GPR149: variants seen among roughly 807,000 people sequenced by gnomAD.
GPR149 encodes G protein-coupled receptor 149, also known as probable G protein-coupled receptor 149.
GPR149 carries 50 observed loss-of-function variants against 50.2 expected under a neutral mutation model. That is an observed-to-expected ratio of 1.00 (90% CI 0.79 to 1.26). The LOEUF (loss-of-function observed/expected upper bound fraction) is 1.26. Ranked by LOEUF, GPR149 falls within the 50% of genes most tolerant of loss-of-function variation. The probability of loss-of-function intolerance (pLI) is 0.00; values close to 1 mark genes in which losing one functional copy is unlikely to be tolerated. For missense variants in GPR149, 983 were observed against 895.4 expected (o/e 1.10, Z -1.25); for synonymous variants, 405 against 358.2 (o/e 1.13, Z -1.48).
At chr3:154,422,832 T>C (rs1436713770) in intron 2 of GPR149, among the ~76,000 whole-genome samples, 1 of 151,844 alleles carries the variant, frequency 6.6e-6, no homozygotes, top group Non-Finnish European at 1.5e-5. Context: ...AATTAAGTTA[T>C]ACTGTTTAAC....
intron 3 of GPR149, among the ~76,000 whole-genome samples, chr3:154,377,701 A>G (rs958128785): frequency 6.6e-6 from 1 of 152,088 alleles, no homozygotes; most frequent in African/African-American, 2.4e-5. Context: ...ACTTCTTCGT[A>G]ATATAATTTG....
Position 154,335,504 on chromosome 3 carries a change from T to G in GPR149, c.*2195A>C, listed in dbSNP as rs572543454. ...TATGGTGCTGATTAGCCTTTCAAAC[T>G]AAGACTTTGGGCTAAATAATACTGG... On this transcript the variant is annotated 3_prime_UTR_variant, in exon 4 of 4. Coordinates refer to ENST00000389740, the MANE Select transcript of GPR149 (RefSeq NM_001038705.3). The G allele has an allele frequency of 6.6e-6, 1 of 152,292 alleles. No homozygotes were observed. Among genetic ancestry groups the G allele is most frequent in the South Asian group, 2.1e-4 (1 of 4,832 alleles). The allele number at this position is 152,292 out of a possible 1,614,324, so 9.4% of individuals were successfully genotyped here.
At position 154,421,063 on chromosome 3, in the gene GPR149, A is replaced by G; in HGVS notation, c.1599T>C (p.Ser533=). 7 of 1,608,390 alleles carry G rather than the reference A, an allele frequency of 4.4e-6. No homozygotes were observed. Among genetic ancestry groups the G allele is most frequent in the Non-Finnish European group, 5.1e-6 (6 of 1,177,934 alleles). Residue 533 remains serine, a synonymous_variant, in exon 3 of 4, where the codon AGT becomes AGC. Transcript: ENST00000389740. ...PDLSDWEWCR[S]KSERTPRQRS... Reference sequence around the variant, plus strand: ...CCTGACGAGGGGTTCTTTCTGATTTACTCCTACACCACTCCCAGTCTGAAA... The same window carrying G: ...CCTGACGAGGGGTTCTTTCTGATTTGCTCCTACACCACTCCCAGTCTGAAA...
At chr3:154,406,303 T>C (rs973299761) in intron 3 of GPR149, among the ~76,000 whole-genome samples, 5 of 152,190 alleles carry the variant, frequency 3.3e-5, no homozygotes, top group Non-Finnish European at 7.4e-5. Context: ...AAGATCCTCT[T>C]TCACACATTG....
chr3:154,425,531 A>T (rs1386476178), intron 2 of GPR149, among the ~76,000 whole-genome samples: 1 of 152,048 alleles, frequency 6.6e-6, no homozygotes, highest in Non-Finnish European at 1.5e-5. Flanking sequence ...TTATTATCAG[A>T]ATTTTCTGAT....
intron 2 of GPR149, among the ~76,000 whole-genome samples, chr3:154,425,505 T>C (rs765212150): frequency 6.6e-6 from 1 of 152,056 alleles, no homozygotes; most frequent in Non-Finnish European, 1.5e-5. Flanking sequence ...TCTCAGACAG[T>C]AGAAACACAT....
rs945336752 is a variant in GPR149, at chr3:154,428,818, T to C, written c.798A>G (p.Gly266=). The C allele has an allele frequency of 6.2e-7, 1 of 1,613,334 alleles. No individual in the cohort carries two copies. The highest frequency in any genetic ancestry group is 8.5e-7 in the Non-Finnish European group (1 of 1,179,864). Residue 266 remains glycine (G), a synonymous_variant, in exon 1 of 4, where the codon GGA becomes GGG. Coordinates refer to ENST00000389740, the MANE Select transcript of GPR149 (RefSeq NM_001038705.3). The part of the protein sequence containing the change: ...APGPSLRRSG[G]CSPSSDTVFG... The stretch of plus-strand genomic sequence containing the variant: ...ACACGGTGTCGGAGCTCGGAGAGCA[T>C]CCCCCAGAGCGCCGCAGACTCGGGC...
At chr3:154,363,946 T>G (rs1474701915) in intron 3 of GPR149, among the ~76,000 whole-genome samples, 2 of 152,202 alleles carry the variant, frequency 1.3e-5, no homozygotes, top group Non-Finnish European at 2.9e-5. Context: ...TTATTCCTCT[T>G]GGTTGTGGGA....
At chr3:154,379,037 A>G (rs113982922) in intron 3 of GPR149, among the ~76,000 whole-genome samples, 3,977 of 9,806 alleles carry the variant, frequency 0.41, 1,967 homozygotes, top group African/African-American at 0.91. Flanking sequence ...TCAGGAGATC[A>G]AGACCATCCT....
At chr3:154,360,982 G>A (rs1441026900) in intron 3 of GPR149, among the ~76,000 whole-genome samples, 1 of 152,104 alleles carries the variant, frequency 6.6e-6, no homozygotes, top group East Asian at 1.9e-4. Context: ...AGACTGCTCT[G>A]TTCTTTCTTC....
chr3:154,360,219 T>A (rs919718945), intron 3 of GPR149, among the ~76,000 whole-genome samples: 4 of 152,214 alleles, frequency 2.6e-5, no homozygotes, highest in African/African-American at 9.7e-5. Context: ...AAAACCCATC[T>A]TACAAACAGT....
intron 3 of GPR149, among the ~76,000 whole-genome samples, chr3:154,363,158 G>A (rs1190514162): frequency 1.3e-5 from 2 of 152,140 alleles, no homozygotes; most frequent in African/African-American, 4.8e-5. Context: ...GCCACATTAA[G>A]GAGTTTTAAC....
At chr3:154,395,178 T>G (rs1231135560) in intron 3 of GPR149, among the ~76,000 whole-genome samples, 1 of 151,936 alleles carries the variant, frequency 6.6e-6, no homozygotes, top group Non-Finnish European at 1.5e-5. Flanking sequence ...ATTGAGATAC[T>G]GACCAAAAAA....
rs1369992086 is a variant in GPR149 at position 154,429,665 on chromosome 3, C to A, written c.-50G>T. The A allele has an allele frequency of 2.0e-6, 3 of 1,513,566 alleles. 1 individual carries two copies. In the Middle Eastern group the frequency reaches 5.7e-4, roughly 285 times the overall value. 93.8% of individuals were successfully genotyped at this position (1,513,566 alleles called of 1,614,324 possible). A position where few individuals can be genotyped will look rare whatever the true frequency, so the allele number is the denominator to read the frequency against. On this transcript the variant is annotated 5_prime_UTR_variant, in exon 1 of 4. Coordinates refer to ENST00000389740, the MANE Select transcript of GPR149 (RefSeq NM_001038705.3). ...CCTTATCAATGAGTCTGATAATTTTCTCAAAAGAAAGACCGGCTGCTGCAA... is the reference window on the plus strand; with the variant it reads ...CCTTATCAATGAGTCTGATAATTTTATCAAAAGAAAGACCGGCTGCTGCAA...
At chr3:154,399,456 A>T (rs577546795) in intron 3 of GPR149, among the ~76,000 whole-genome samples, 1 of 152,318 alleles carries the variant, frequency 6.6e-6, no homozygotes, top group South Asian at 2.1e-4. Context: ...AATGTTCAAA[A>T]ATTGTCAGTC....
chr3:154,337,789 C>T lies in GPR149; in HGVS notation c.2106G>A (p.Arg702=), dbSNP rs770924534. The change falls in exon 4 of 4, where the codon AGG becomes AGA. Residue 702 remains arginine, a synonymous_variant. Coordinates refer to ENST00000389740, the MANE Select transcript of GPR149 (RefSeq NM_001038705.3). ...GGTAGCCATCCCTCTCTTGATGCTG[C>T]CTTTTACTGTTCTGCCTGTGTGCTT... ...TVEAHRQNSK[R]QHQERDGYQE... 2 of 1,613,916 alleles carry T rather than the reference C, an allele frequency of 1.2e-6. No homozygotes were observed. The highest frequency in any genetic ancestry group is 1.7e-6 in the Non-Finnish European group (2 of 1,179,910).
At chr3:154,392,475 A>T (rs1305088606) in intron 3 of GPR149, among the ~76,000 whole-genome samples, 6 of 151,872 alleles carry the variant, frequency 4.0e-5, no homozygotes, top group African/African-American at 1.4e-4. Context: ...CAATGCCTAT[A>T]TTTAAAAAGC....
chr3:154,350,840 T>C (rs1354009595), intron 3 of GPR149, among the ~76,000 whole-genome samples: 2 of 152,180 alleles, frequency 1.3e-5, no homozygotes, highest in Non-Finnish European at 2.9e-5. Flanking sequence ...TTATATAAAA[T>C]GGCATAGTAT....
chr3:154,406,978 A>G (rs1176400190), intron 3 of GPR149, among the ~76,000 whole-genome samples: 9 of 152,192 alleles, frequency 5.9e-5, no homozygotes, highest in African/African-American at 2.2e-4. Flanking sequence ...GATGTCTTAG[A>G]TCGTGGCAGG....
Sources: gnomAD v4.1 joint callset for allele counts (sites outside exome capture counted in the v4.1 genomes callset) on GRCh38, gnomAD v4.1.1 for gene constraint, MANE v1.5 for transcripts, NCBI Gene and HGNC (gene_info 2026-07-23, HGNC 2026-07-21) for gene names.